ZC3H14: variants seen among roughly 807,000 people sequenced by gnomAD.
ZC3H14 encodes the protein zinc finger CCCH-type containing 14, also known as zinc finger CCCH domain-containing protein 14.
In ZC3H14, 31 loss-of-function variants were observed where a neutral mutation model predicts 92.4. The observed-to-expected ratio is 0.34, with a 90% CI of 0.25 to 0.45. The LOEUF is 0.45. Among genes scored for constraint, ZC3H14 ranks in the 20% least tolerant of loss-of-function variants. The pLI, the probability that ZC3H14 is intolerant of heterozygous loss-of-function variation, is 1.00. For synonymous variants in ZC3H14, 321 were observed against 300.9 expected (o/e 1.07, Z -0.69); for missense variants, 781 against 897.3 (o/e 0.87, Z 1.66).
At position 88,617,900 on chromosome 14, in the gene ZC3H14, T is replaced by TA. The variant is rs2087994924; in HGVS notation, c.*6150dup. 5.7e-6 allele frequency: 1 copy of TA among 175,752 alleles called. No individual in the cohort carries two copies. Among genetic ancestry groups the TA allele is most frequent in the African/African-American group, 2.4e-5 (1 of 42,000 alleles). 10.9% of individuals were successfully genotyped at this position (175,752 alleles called of 1,614,324 possible). A position where few individuals can be genotyped will look rare whatever the true frequency, so the allele number is the denominator to read the frequency against. The stretch of plus-strand genomic sequence containing the variant: ...AGATTCAAGATAGCATTCCTTTAGA[T>TA]AGAGAATTAATAACAGTTGCTTAAC... On this transcript the variant is annotated 3_prime_UTR_variant, in exon 17 of 17. Transcript: ENST00000251038.
At position 88,615,725 on chromosome 14, in the gene ZC3H14, T is replaced by G; in HGVS notation, c.*3974T>G. On this transcript the variant is annotated 3_prime_UTR_variant, in exon 17 of 17. Transcript: ENST00000251038. The stretch of plus-strand genomic sequence containing the variant: ...CATTTCTCCCTGTTACAGTCTTGGG[T>G]TAGCACCACTTGACCATGCAGGGTT... The G allele has an allele frequency of 8.3e-7, 1 of 1,202,986 alleles. No individual in the cohort carries two copies. The highest frequency in any genetic ancestry group is 1.4e-5 in the South Asian group (1 of 71,684). 74.5% of individuals were successfully genotyped at this position (1,202,986 alleles called of 1,614,324 possible).
chr14:88,579,934 G>C (rs1220358529), intron 9 of ZC3H14, among the ~76,000 whole-genome samples: 1 of 152,226 alleles, frequency 6.6e-6, no homozygotes, highest in East Asian at 1.9e-4. Context: ...CTTTGAGGCT[G>C]GGTGCAGTGG....
rs755904352 is a variant in ZC3H14, at chr14:88,625,072, T to G, written c.*13321T>G. 2.5e-6 allele frequency: 4 copies of G among 1,613,822 alleles called. No homozygotes were observed. The highest frequency in any genetic ancestry group is 1.3e-5 in the African/African-American group (1 of 74,922). On this transcript the variant is annotated 3_prime_UTR_variant, in exon 17 of 17. Transcript: ENST00000251038. ...TCTCGCCACGATTCTACACAATATG[T>G]GATCTTTCCACACACAGACATCACC...
In ZC3H14 at chr14:88,617,132, C is replaced by CT. The variant is rs2087761133; in HGVS notation, c.*5382dup. 1 of 299,638 alleles carries CT rather than the reference C, an allele frequency of 3.3e-6. No individual in the cohort carries two copies. The highest frequency in any genetic ancestry group is 4.6e-5 in the Admixed American group (1 of 21,580). 18.6% of individuals were successfully genotyped at this position (299,638 alleles called of 1,614,324 possible). A position where few individuals can be genotyped will look rare whatever the true frequency, so the allele number is the denominator to read the frequency against. On this transcript the variant is annotated 3_prime_UTR_variant, in exon 17 of 17. Coordinates refer to ENST00000251038, the MANE Select transcript of ZC3H14 (RefSeq NM_024824.5). ...AGATTAAAGTAGTACTTTATGAAAA[C>CT]TGATAGAACTATTTTTTCTTTTTTT...
At chr14:88,590,218 T>A (rs1257422367) in intron 9 of ZC3H14, 17 of 152,314 alleles carry the variant, frequency 1.1e-4, no homozygotes, top group African/African-American at 3.9e-4. Context: ...AAGGTGTGCC[T>A]GCTTTCAAAC....
chr14:88,609,206 A>G, intron 13 of ZC3H14, 61 bp from the exon 14 acceptor site: 1 of 1,608,714 alleles, frequency 6.2e-7, no homozygotes, highest in Non-Finnish European at 8.5e-7. Flanking sequence ...GCCCTTATAC[A>G]CAGAACTAAT....
intron 5 of ZC3H14, 119 bp from the exon 6 acceptor site, chr14:88,572,459 A>G (rs2080557973): frequency 2.3e-6 from 3 of 1,306,284 alleles, no homozygotes; most frequent in Middle Eastern, 1.9e-4. Context: ...TTTGAATGGA[A>G]TATGTAAAGG....
chr14:88,618,170 G>A lies in ZC3H14; in HGVS notation c.*6419G>A. ...GAATGGCTCTAACAGTTCAGAAATA[G>A]GATTTTCTAACTGGCCTTCAAAGTC... is the stretch of plus-strand genomic sequence containing the variant. On this transcript the variant is annotated 3_prime_UTR_variant, in exon 17 of 17. Coordinates refer to ENST00000251038, the MANE Select transcript of ZC3H14 (RefSeq NM_024824.5). The A allele has an allele frequency of 2.8e-6, 4 of 1,445,406 alleles. 1 individual carries two copies. The highest frequency in any genetic ancestry group is 1.8e-4 in the Middle Eastern group (1 of 5,714). The allele number at this position is 1,445,406 out of a possible 1,614,324, so 89.5% of individuals were successfully genotyped here.
In ZC3H14 at chr14:88,616,696, C is replaced by G; in HGVS notation, c.*4945C>G. ...ATAAGACATCAAAATTAGGAGTAAA[C>G]TGATAATAGTAAACAAAACACAAAC... is the stretch of plus-strand genomic sequence containing the variant. On this transcript the variant is annotated 3_prime_UTR_variant, in exon 17 of 17. Transcript: ENST00000251038. 1 of 1,590,894 alleles carries G rather than the reference C, an allele frequency of 6.3e-7. No individual in the cohort carries two copies. Among genetic ancestry groups the G allele is most frequent in the Non-Finnish European group, 8.6e-7 (1 of 1,166,106 alleles).
At position 88,623,847 on chromosome 14, in the gene ZC3H14, T is replaced by G. The variant is rs1204537808; in HGVS notation, c.*12096T>G. On this transcript the variant is annotated 3_prime_UTR_variant, in exon 17 of 17. Transcript: ENST00000251038. ...GTAAATGACGTGGGAAATACAAGTG[T>G]TGGAGGACGAAATAGAGCCCATTTA... 1 of 152,196 alleles carries G rather than the reference T, an allele frequency of 6.6e-6. No homozygotes were observed. The highest frequency in any genetic ancestry group is 2.4e-5 in the African/African-American group (1 of 41,436). 9.4% of individuals were successfully genotyped at this position (152,196 alleles called of 1,614,324 possible).
intron 9 of ZC3H14, among the ~76,000 whole-genome samples, chr14:88,582,964 G>A (rs1481871216): frequency 1.3e-5 from 2 of 151,550 alleles, no homozygotes; most frequent in African/African-American, 2.4e-5. Flanking sequence ...TTTTACTAGC[G>A]CACCCACCTC....
At chr14:88,603,289 A>C (rs1753344650) in intron 12 of ZC3H14, among the ~76,000 whole-genome samples, 1 of 152,188 alleles carries the variant, frequency 6.6e-6, no homozygotes, top group Admixed American at 6.5e-5. Context: ...TCAGCCATGG[A>C]ACCTGAGAGA....
rs1301881780 is a variant in ZC3H14, at chr14:88,624,525, G to T, written c.*12774G>T. ...ATAAAACAGTTTAAATTTGCCTCAA[G>T]CAAAAGGAAACAAGGCAGTTCTCTC... On this transcript the variant is annotated 3_prime_UTR_variant, in exon 17 of 17. Transcript: ENST00000251038. The T allele has an allele frequency of 6.4e-6, 1 of 155,964 alleles. No homozygotes were observed. Among genetic ancestry groups the T allele is most frequent in the Non-Finnish European group, 1.4e-5 (1 of 70,614 alleles). 9.7% of individuals were successfully genotyped at this position (155,964 alleles called of 1,614,324 possible).
chr14:88,595,910 A>G (rs2083754139), intron 9 of ZC3H14, among the ~76,000 whole-genome samples: 1 of 152,214 alleles, frequency 6.6e-6, no homozygotes, highest in Non-Finnish European at 1.5e-5. Flanking sequence ...GCAGTACCTT[A>G]TAATGAGCAA....
rs2087244616 is a variant in ZC3H14, at chr14:88,614,172, A to G, written c.*2421A>G. On this transcript the variant is annotated 3_prime_UTR_variant, in exon 17 of 17. Transcript: ENST00000251038. Reference sequence around the variant, plus strand: ...ACTGCAGCAGGCTCAAATGTAGAGTATTTTTCTTTTTATGGGCAGGTTGTT... The same window carrying G: ...ACTGCAGCAGGCTCAAATGTAGAGTGTTTTTCTTTTTATGGGCAGGTTGTT... 1 of 152,170 alleles carries G rather than the reference A, an allele frequency of 6.6e-6. No individual in the cohort carries two copies. Among genetic ancestry groups the G allele is most frequent in the African/African-American group, 2.4e-5 (1 of 41,446 alleles). The allele number at this position is 152,170 out of a possible 1,614,324, so 9.4% of individuals were successfully genotyped here.
intron 10 of ZC3H14, among the ~76,000 whole-genome samples, chr14:88,600,424 C>G (rs2084447804): frequency 6.6e-6 from 1 of 151,544 alleles, no homozygotes; most frequent in Non-Finnish European, 1.5e-5. Context: ...TTAGGAACCT[C>G]TCTTGATTTC....
chr14:88,563,424 CGCACGGCGCCGCTTTG>C, intron 1 of ZC3H14: 4 of 1,427,632 alleles, frequency 2.8e-6, no homozygotes, highest in Non-Finnish European at 3.6e-6. Context: ...ACCACCGCGG[CGCACGGCGCCGCTTTG>C]GATCCGCTGC....
rs1595253391 is a variant in ZC3H14 at position 88,626,630 on chromosome 14, A to T, written c.*14879A>T. The T allele has an allele frequency of 5.0e-6, 3 of 594,274 alleles. No homozygotes were observed. In the South Asian group the frequency reaches 6.5e-5, roughly 13 times the overall value. The allele number at this position is 594,274 out of a possible 1,614,324, so 36.8% of individuals were successfully genotyped here. A position where few individuals can be genotyped will look rare whatever the true frequency, so the allele number is the denominator to read the frequency against. The stretch of plus-strand genomic sequence containing the variant: ...AGATACTGTGTCAAAAAAAAAAAAA[A>T]ATCCTTTTCCCCCTCTCATTAACAT... On this transcript the variant is annotated 3_prime_UTR_variant, in exon 17 of 17. Transcript: ENST00000251038.
intron 12 of ZC3H14, among the ~76,000 whole-genome samples, chr14:88,604,584 T>C (rs1479673411): frequency 6.9e-6 from 1 of 145,970 alleles, no homozygotes; most frequent in African/African-American, 2.5e-5. Context: ...ACAGATTTTA[T>C]AGCTTGCTTT....
Sources: gnomAD v4.1 joint callset for allele counts (sites outside exome capture counted in the v4.1 genomes callset) on GRCh38, gnomAD v4.1.1 for gene constraint, MANE v1.5 for transcripts, NCBI Gene and HGNC (gene_info 2026-07-23, HGNC 2026-07-21) for gene names.